The following TNRC6B variants were observed in gnomAD, a reference collection of about 807,000 sequenced individuals.
TNRC6B encodes trinucleotide repeat-containing gene 6B protein.
A neutral mutation model predicts 203.6 loss-of-function variants in TNRC6B; 52 were observed. The ratio of observed to expected loss-of-function variants is 0.26; its 90% CI spans 0.20 to 0.32. TNRC6B has a LOEUF of 0.32. Among genes scored for constraint, TNRC6B ranks in the 10% least tolerant of loss-of-function variants. The probability of loss-of-function intolerance (pLI) is 1.00; values close to 1 mark genes in which losing one functional copy is unlikely to be tolerated. For missense variants in TNRC6B, 1,923 were observed against 2,286.2 expected, an observed-to-expected ratio of 0.84 and a Z score of 3.24; for synonymous variants, 838 against 845.7, an observed-to-expected ratio of 0.99 and a Z score of 0.16.
At chr22:40,104,547 C>CTG (rs1203259146) in intron 1 of TNRC6B, among the ~76,000 whole-genome samples, 1 of 152,190 alleles carries the variant, frequency 6.6e-6, no homozygotes, top group African/African-American at 2.4e-5. Flanking sequence ...CTGCCAGGCA[C>CTG]TGTGCAAGAT....
Position 40,266,740 on chromosome 22 carries a change from C to T in TNRC6B, c.2510C>T (p.Ser837Phe). The T allele has an allele frequency of 1.9e-6, 3 of 1,613,988 alleles. No homozygotes were observed. The highest frequency in any genetic ancestry group is 2.5e-6 in the Non-Finnish European group (3 of 1,179,868). ...QQPPPPQPEA[S>F]GSWGGPPPPP... is the part of the protein sequence containing the mutation. The stretch of plus-strand genomic sequence containing the variant: ...CCGCCGCCACCACAACCAGAGGCTT[C>T]TGGTTCGTGGGGAGGCCCACCCCCA... The change falls in exon 5 of 23, where the codon TCT becomes TTT. Residue 837 changes from serine (S) to phenylalanine (F), a missense_variant. This residue lies in a region of TNRC6B where 599 missense variants were observed against 656.5 expected (regional missense o/e 0.91). Transcript: ENST00000454349.
At position 40,163,920 on chromosome 22, in the gene TNRC6B, G is replaced by A. The variant is rs375881116; in HGVS notation, c.113+7738G>A. ...GTTAAAGCTTTATGCTAGATCTTCGGCTCTATGAGGATGGATTTCTGTTGT... is the reference window on the plus strand; with the variant it reads ...GTTAAAGCTTTATGCTAGATCTTCGACTCTATGAGGATGGATTTCTGTTGT... On this transcript the variant is annotated intron_variant, in intron 4 of 23. Transcript: ENST00000301923. Among the ~76,000 whole-genome samples the A allele has an allele frequency of 3.0e-4, 46 of 152,056 alleles. 1 individual carries two copies. In the South Asian group the frequency reaches 9.1e-3, roughly 30 times the overall value.
intron 3 of TNRC6B, among the ~76,000 whole-genome samples, chr22:40,144,558 C>T (rs528380398): frequency 1.3e-5 from 2 of 151,900 alleles, no homozygotes; most frequent in East Asian, 3.9e-4. Flanking sequence ...ACCTGTAGTC[C>T]CAGCTACTTG....
intron 1 of TNRC6B, among the ~76,000 whole-genome samples, chr22:40,216,271 C>G (rs951176562): frequency 6.6e-6 from 1 of 152,150 alleles, no homozygotes; most frequent in South Asian, 2.1e-4. Flanking sequence ...GTTCCCCGAC[C>G]GCATGCACTC....
intron 1 of TNRC6B, among the ~76,000 whole-genome samples, chr22:40,234,555 G>C (rs538970235): frequency 1.3e-5 from 2 of 152,300 alleles, no homozygotes; most frequent in Admixed American, 1.3e-4. Context: ...ATTAAAGTTT[G>C]AGAAGCATTG....
At chr22:40,223,932 CTG>C (rs1210106753) in intron 1 of TNRC6B, among the ~76,000 whole-genome samples, 2 of 152,138 alleles carry the variant, frequency 1.3e-5, no homozygotes, top group African/African-American at 4.8e-5. Context: ...CACAAGGTAA[CTG>C]TGTGTTACCA....
intron 22 of TNRC6B, among the ~76,000 whole-genome samples, chr22:40,322,063 G>A (rs866557368): frequency 9.9e-5 from 15 of 152,152 alleles, no homozygotes; most frequent in African/African-American, 2.2e-4. Flanking sequence ...CTCAGGCAGC[G>A]AGGAGCCCCT....
intron 5 of TNRC6B, among the ~76,000 whole-genome samples, chr22:40,269,063 T>C (rs9611305): frequency 0.32 from 47,861 of 150,432 alleles, 9,420 homozygotes; most frequent in East Asian, 0.57. Flanking sequence ...CTTTTCTCAT[T>C]ATACTTATAG....
chr22:40,283,360 G>A (rs1018741617), intron 11 of TNRC6B, among the ~76,000 whole-genome samples: 1 of 152,096 alleles, frequency 6.6e-6, no homozygotes, highest in African/African-American at 2.4e-5. Flanking sequence ...ATTTTTTACA[G>A]ATGGGGTCTT....
intron 22 of TNRC6B, 136 bp downstream of exon 22, chr22:40,321,365 T>G (rs2071331843): frequency 4.6e-6 from 5 of 1,094,776 alleles, no homozygotes; most frequent in Non-Finnish European, 6.5e-6. Context: ...TCTGCAAGTC[T>G]CGAGTGTGGA....
chr22:40,292,615 A>G lies in TNRC6B; in HGVS notation c.3708+6845A>G, dbSNP rs142905783. Among the ~76,000 whole-genome samples the G allele has an allele frequency of 4.6e-5, 7 of 152,346 alleles. No individual in the cohort carries two copies. The South Asian group carries it at 1.2e-3, about 27-fold the overall frequency. Reference sequence around the variant, plus strand: ...ATTGAAGGGCTTTTAAACCAGAATAATTAACTCCCTGAAATGGAGAATGTG... The same window carrying G: ...ATTGAAGGGCTTTTAAACCAGAATAGTTAACTCCCTGAAATGGAGAATGTG... On this transcript the variant is annotated intron_variant, in intron 12 of 22. Coordinates refer to ENST00000454349, the MANE Select transcript of TNRC6B (RefSeq NM_001162501.2).
At chr22:40,261,618 A>G (rs748043515) in intron 3 of TNRC6B, among the ~76,000 whole-genome samples, 1 of 151,892 alleles carries the variant, frequency 6.6e-6, no homozygotes, top group African/African-American at 2.4e-5. Flanking sequence ...AAATAAATAA[A>G]TAATAATCTT....
At chr22:40,117,147 T>C (rs1178265916) in intron 2 of TNRC6B, 1 of 152,642 alleles carries the variant, frequency 6.6e-6, no homozygotes, top group Non-Finnish European at 1.5e-5. Flanking sequence ...TTAAAATATA[T>C]ATCTACCATG....
intron 15 of TNRC6B, among the ~76,000 whole-genome samples, chr22:40,305,862 CTCAT>C (rs2071082108): frequency 6.6e-6 from 1 of 152,092 alleles, no homozygotes; most frequent in African/African-American, 2.4e-5. Context: ...CTTTCTTTCT[CTCAT>C]TCATTTTCTT....
intron 1 of TNRC6B, among the ~76,000 whole-genome samples, chr22:40,092,141 G>A (rs1191312268): frequency 1.3e-5 from 2 of 152,102 alleles, no homozygotes; most frequent in African/African-American, 4.8e-5. Context: ...GTTGGCTCAC[G>A]CCTGTAATCC....
intron 4 of TNRC6B, among the ~76,000 whole-genome samples, chr22:40,169,130 CTTTTTTTTTTT>C (rs135632): frequency 9.1e-6 from 1 of 109,644 alleles, no homozygotes; most frequent in South Asian, 2.9e-4. Flanking sequence ...TTGGAATCTT[CTTTTTTTTTTT>C]TTTTTTTTTG....
Position 40,279,218 on chromosome 22 carries a change from G to A in TNRC6B, c.3263-777G>A, listed in dbSNP as rs192858841. 5.5e-3 allele frequency among the ~76,000 whole-genome samples: 833 copies of A among 152,178 alleles called. 2 individuals are homozygous for A. The highest frequency in any genetic ancestry group is 9.3e-3 in the Non-Finnish European group (635 of 68,002). ...AACGGTGTTAGCCACTAGTCTGTGG[G>A]GTTTTCATAGTAATGCTCTTGATCA... On this transcript the variant is annotated intron_variant, in intron 9 of 22. Transcript: ENST00000454349.
chr22:40,251,519 G>A (rs1465969328), intron 3 of TNRC6B, among the ~76,000 whole-genome samples: 1 of 152,170 alleles, frequency 6.6e-6, no homozygotes, highest in Non-Finnish European at 1.5e-5. Context: ...GGGAGTTTGA[G>A]ACCAACCTGG....
intron 1 of TNRC6B, among the ~76,000 whole-genome samples, chr22:40,183,574 G>A (rs1164683800): frequency 6.6e-6 from 1 of 152,106 alleles, no homozygotes; most frequent in African/African-American, 2.4e-5. Flanking sequence ...AATTTCAAAT[G>A]AATTGGTCTT....
Sources: gnomAD v4.1 joint callset for allele counts (sites outside exome capture counted in the v4.1 genomes callset) on GRCh38, gnomAD v4.1.1 for gene constraint, gnomAD v4.1.1 regional missense constraint, MANE v1.5 for transcripts, NCBI Gene and HGNC (gene_info 2026-07-23, HGNC 2026-07-21) for gene names.